Variants in NSUN5 observed in about 807,000 individuals in gnomAD.
NSUN5 encodes NOP2/Sun RNA methyltransferase 5.
A neutral mutation model predicts 51.1 loss-of-function variants in NSUN5; 39 were observed. The ratio of observed to expected loss-of-function variants is 0.76; its 90% CI spans 0.59 to 1.00. The LOEUF is 1.00. NSUN5 is among the 50% of genes least tolerant of loss of function. NSUN5 has a pLI of 0.00. For synonymous variants in NSUN5, 266 were observed against 271.5 expected (o/e 0.98, Z 0.20); for missense variants, 526 against 614.0 (o/e 0.86, Z 1.51).
chr7:73,307,553 T>TGCC, intron 3 of NSUN5, 30 bp downstream of exon 3: 2 of 732,080 alleles, frequency 2.7e-6, no homozygotes, highest in Non-Finnish European at 4.3e-6. Context: ...GTTCCCCGCC[T>TGCC]CCCCCACCCC....
rs1554541649 is a variant in NSUN5, at chr7:73,305,108, A to G, written c.501-11T>C. 6.2e-7 allele frequency: 1 copy of G among 1,610,180 alleles called. No individual in the cohort carries two copies. The highest frequency in any genetic ancestry group is 1.7e-5 in the Admixed American group (1 of 59,850). On this transcript the variant is annotated splice_polypyrimidine_tract_variant and intron_variant, in intron 4 of 9. Coordinates refer to ENST00000438747, the MANE Select transcript of NSUN5 (RefSeq NM_148956.4). Reference sequence around the variant, plus strand: ...CGTAAGTCATCGAGGCTGCCAGGGAAGAACCATTCATTCATTTCCTGAATT... The same window carrying G: ...CGTAAGTCATCGAGGCTGCCAGGGAGGAACCATTCATTCATTTCCTGAATT...
chr7:73,303,682 C>T lies in NSUN5; in HGVS notation c.1204G>A (p.Glu402Lys), dbSNP rs782068075. The stretch of plus-strand genomic sequence containing the variant: ...TCAGGGGAGGCCCGGAGGCAGTGCT[C>T]GGCACCCGGGAACGTGCTCAGGCCT... ...HRGLSTFPGAEHCLRASPETT... is the reference protein window; with the variant it reads ...HRGLSTFPGAKHCLRASPETT... Residue 402 changes from glutamate to lysine, a missense_variant, in exon 9 of 10, where the codon GAG becomes AAG. Physicochemically the swap from Glu to Lys is moderately conservative, Grantham distance 56. Transcript: ENST00000438747. 12 of 1,614,030 alleles carry T rather than the reference C, an allele frequency of 7.4e-6. No individual in the cohort carries two copies. Among genetic ancestry groups the T allele is most frequent in the African/African-American group, 5.3e-5 (4 of 74,920 alleles).
chr7:73,306,506 G>A (rs1246808046), intron 4 of NSUN5, among the ~76,000 whole-genome samples: 18 of 149,570 alleles, frequency 1.2e-4, no homozygotes, highest in African/African-American at 4.9e-5. Context: ...TGGAAGCAGA[G>A]AAACCAGTCT....
chr7:73,308,641 G>T, intron 1 of NSUN5, 57 bp downstream of exon 1: 1 of 1,218,926 alleles, frequency 8.2e-7, no homozygotes, highest in Non-Finnish European at 1.1e-6. Flanking sequence ...GGGCCCGTCC[G>T]ACCCCACCCC....
At position 73,303,995 on chromosome 7, in the gene NSUN5, G is replaced by A. The variant is rs781911649; in HGVS notation, c.976C>T (p.Pro326Ser). The A allele has an allele frequency of 6.2e-7, 1 of 1,614,040 alleles. No homozygotes were observed. Among genetic ancestry groups the A allele is most frequent in the Non-Finnish European group, 8.5e-7 (1 of 1,180,032 alleles). ...RQLEEPGAGT[P>S]SPVRLHALAG... Reference sequence around the variant, plus strand: ...AGGGCATGCAGACGCACCGGGCTAGGTGTGCCTGCCCCGGGCTCCTCCAGC... The same window carrying A: ...AGGGCATGCAGACGCACCGGGCTAGATGTGCCTGCCCCGGGCTCCTCCAGC... Residue 326 changes from proline to serine, a missense_variant, in exon 8 of 10, where the codon CCT (proline) becomes TCT (serine). By Grantham distance (74) the Pro-to-Ser change is moderately conservative. Transcript: ENST00000438747.
At chr7:73,307,355 C>T in intron 4 of NSUN5, 39 bp downstream of exon 4, 2 of 1,450,066 alleles carry the variant, frequency 1.4e-6, no homozygotes, top group Non-Finnish European at 1.9e-6. Context: ...ACCCCAGACA[C>T]CTCCCTAGAT....
At position 73,307,626 on chromosome 7, in the gene NSUN5, G is replaced by T. The variant is rs574163543; in HGVS notation, c.348C>A (p.Ser116Arg). 46 of 1,605,444 alleles carry T rather than the reference G, an allele frequency of 2.9e-5. No homozygotes were observed. In the South Asian group the frequency reaches 4.7e-4, roughly 17 times the overall value. The change falls in exon 3 of 10, where the codon AGC (serine) becomes AGA (arginine). Residue 116 changes from serine to arginine, a missense_variant. Ser to Arg is a moderately radical substitution (Grantham distance 110). Coordinates refer to ENST00000438747, the MANE Select transcript of NSUN5 (RefSeq NM_148956.4). ...LARLKVHRGVSRNEDLLEVGS... is the reference protein window; with the variant it reads ...LARLKVHRGVRRNEDLLEVGS... ...CCACTTCCAACAGGTCCTCATTCCG[G>T]CTCACACCCCGATGAACCTTGAGCC...
In NSUN5 at chr7:73,307,635, C is replaced by A. The variant is rs782160506; in HGVS notation, c.339G>T (p.Arg113=). 2 of 1,613,062 alleles carry A rather than the reference C, an allele frequency of 1.2e-6. No homozygotes were observed. Among genetic ancestry groups the A allele is most frequent in the Non-Finnish European group, 1.7e-6 (2 of 1,179,804 alleles). ...KAELARLKVH[R]GVSRNEDLLE... is the part of the protein sequence containing the mutation. ...ACAGGTCCTCATTCCGGCTCACACCCCGATGAACCTTGAGCCGAGCCAACT... is the reference window on the plus strand; with the variant it reads ...ACAGGTCCTCATTCCGGCTCACACCACGATGAACCTTGAGCCGAGCCAACT... Residue 113 remains arginine (R), a synonymous_variant, in exon 3 of 10, where the codon CGG becomes CGT. Coordinates refer to ENST00000438747, the MANE Select transcript of NSUN5 (RefSeq NM_148956.4).
Position 73,303,203 on chromosome 7 carries a change from T to C in NSUN5, c.*212A>G, listed in dbSNP as rs1383447542. 1 of 1,483,794 alleles carries C rather than the reference T, an allele frequency of 6.7e-7. No homozygotes were observed. Among genetic ancestry groups the C allele is most frequent in the Non-Finnish European group, 9.0e-7 (1 of 1,117,186 alleles). 91.9% of individuals were successfully genotyped at this position (1,483,794 alleles called of 1,614,324 possible). ...GAGATTTTTCTCCTGCTTGTGACAT[T>C]AAGAATAAAAAACTGTGATCTATCG... On this transcript the variant is annotated 3_prime_UTR_variant, in exon 10 of 10. Transcript: ENST00000438747.
At chr7:73,306,870 T>C (rs1179867463) in intron 4 of NSUN5, among the ~76,000 whole-genome samples, 5 of 146,070 alleles carry the variant, frequency 3.4e-5, no homozygotes, top group African/African-American at 1.3e-4. Flanking sequence ...AGACTCAGTC[T>C]AAAAAAAAAA....
In NSUN5 at chr7:73,303,558, G is replaced by A. The variant is rs2353053; in HGVS notation, c.1287-29C>T. ...GAGAAGTGTAGATGTTAGATGTGCC[G>A]GTGCCATCCTGCGCCTCCCAAGCAC... On this transcript the variant is annotated intron_variant, in intron 9 of 9. Transcript: ENST00000438747. 1,382 of 1,613,898 alleles carry A rather than the reference G, an allele frequency of 8.6e-4. 4 individuals are homozygous for A. In the African/African-American group the frequency reaches 0.016, roughly 19 times the overall value.
At position 73,303,938 on chromosome 7, in the gene NSUN5, C is replaced by T. The variant is rs1803920388; in HGVS notation, c.1033G>A (p.Ala345Thr). ...AGFQQRALCH[A>T]LTFPSLQRLV... ...CGCTGCAGGGAAGGGAAAGTGAGTG[C>T]GTGGCACAGGGCTCGCTGCTGGAAC... The change falls in exon 8 of 10, where the codon GCA becomes ACA. Residue 345 changes from alanine (A) to threonine (T), a missense_variant. Coordinates refer to ENST00000438747, the MANE Select transcript of NSUN5 (RefSeq NM_148956.4). 6 of 1,613,994 alleles carry T rather than the reference C, an allele frequency of 3.7e-6. No homozygotes were observed. The highest frequency in any genetic ancestry group is 4.5e-5 in the East Asian group (2 of 44,870).
chr7:73,305,162 C>T, intron 4 of NSUN5, 65 bp from the exon 5 acceptor site: 3 of 1,571,874 alleles, frequency 1.9e-6, no homozygotes, highest in Non-Finnish European at 1.7e-6. Context: ...TTTCAACGGT[C>T]CATTCATGCA....
In NSUN5 at chr7:73,308,438, A is replaced by T; in HGVS notation, c.209T>A (p.Leu70Gln). 6.2e-7 allele frequency: 1 copy of T among 1,601,364 alleles called. No homozygotes were observed. The highest frequency in any genetic ancestry group is 8.5e-7 in the Non-Finnish European group (1 of 1,172,180). The change falls in exon 2 of 10, where the codon CTG (leucine) becomes CAG (glutamine). Residue 70 changes from leucine (L) to glutamine (Q), a missense_variant. Leu to Gln is a moderately radical substitution (Grantham distance 113). Coordinates refer to ENST00000438747, the MANE Select transcript of NSUN5 (RefSeq NM_148956.4). ...TCCCTCCCCTCCCCTCACCTTGGCC[A>T]GGTGCGGCCGCAGCTTCTTCTCCGC... is the stretch of plus-strand genomic sequence containing the variant. ...LRAEKKLRPH[L>Q]AKVLVYELLL...
chr7:73,305,158 C>T lies in NSUN5; in HGVS notation c.501-61G>A, dbSNP rs568978286. ...TTCTCCCTGCCAGGCCCCATTTCAA[C>T]GGTCCATTCATGCAACAAATGTTAC... is the stretch of plus-strand genomic sequence containing the variant. On this transcript the variant is annotated intron_variant, in intron 4 of 9. Transcript: ENST00000438747. The T allele has an allele frequency of 4.7e-5, 74 of 1,582,468 alleles. 2 individuals are homozygous for T. Among genetic ancestry groups the T allele is most frequent in the Admixed American group, 2.8e-4 (16 of 56,524 alleles).
rs1243403243 is a variant in NSUN5, at chr7:73,303,632, G to A, written c.1254C>T (p.Phe418=). Residue 418 remains phenylalanine (F), a synonymous_variant, in exon 9 of 10, where the codon TTC becomes TTT. Coordinates refer to ENST00000438747, the MANE Select transcript of NSUN5 (RefSeq NM_148956.4). ...SPETTLSSGF[F]VAVIERVEVP... is the part of the protein sequence containing the mutation. ...CCTCGACCCGTTCAATTACAGCAAC[G>A]AAGAAGCCACTGCTGAGTGTGGTCT... 21 of 1,614,050 alleles carry A rather than the reference G, an allele frequency of 1.3e-5. No homozygotes were observed. Among genetic ancestry groups the A allele is most frequent in the East Asian group, 2.2e-5 (1 of 44,888 alleles).
intron 4 of NSUN5, among the ~76,000 whole-genome samples, chr7:73,305,377 G>A (rs1803998036): frequency 6.6e-6 from 1 of 151,956 alleles, no homozygotes; most frequent in African/African-American, 2.4e-5. Context: ...GGGATTCAAT[G>A]AGCCAATATA....
At chr7:73,307,529 T>C (rs1554542001) in intron 3 of NSUN5, 27 bp from the exon 4 acceptor site, 2 of 1,613,542 alleles carry the variant, frequency 1.2e-6, no homozygotes, top group Non-Finnish European at 1.7e-6. Context: ...GAGCAGTGAG[T>C]AGGCAGGAGC....
chr7:73,307,137 T>C (rs1464480637), intron 4 of NSUN5, among the ~76,000 whole-genome samples: 1 of 152,132 alleles, frequency 6.6e-6, no homozygotes, highest in East Asian at 1.9e-4. Flanking sequence ...AAGTCTACAC[T>C]GGGTGGTGAG....
Sources: gnomAD v4.1 joint callset for allele counts (sites outside exome capture counted in the v4.1 genomes callset) on GRCh38, gnomAD v4.1.1 for gene constraint, MANE v1.5 for transcripts, NCBI Gene and HGNC (gene_info 2026-07-23, HGNC 2026-07-21) for gene names.